Variants in KCNIP1 observed in about 807,000 individuals in gnomAD.
KCNIP1 encodes potassium voltage-gated channel interacting protein 1.
In KCNIP1, 18 loss-of-function variants were observed where a neutral mutation model predicts 33.0. The observed-to-expected ratio is 0.55, with a 90% CI of 0.38 to 0.81. The LOEUF (loss-of-function observed/expected upper bound fraction) is 0.81, where lower values mean the gene tolerates loss of function less well. Among genes scored for constraint, KCNIP1 ranks in the 30% least tolerant of loss-of-function variants. The probability of loss-of-function intolerance (pLI) is 0.00; values close to 1 mark genes in which losing one functional copy is unlikely to be tolerated. For synonymous variants in KCNIP1, 93 were observed against 98.3 expected, an observed-to-expected ratio of 0.95 and a Z score of 0.32; for missense variants, 238 against 271.6, an observed-to-expected ratio of 0.88 and a Z score of 0.87.
intron 1 of KCNIP1, among the ~76,000 whole-genome samples, chr5:170,617,879 C>G (rs574010322): frequency 2.0e-5 from 3 of 152,358 alleles, no homozygotes; most frequent in Admixed American, 1.3e-4. Flanking sequence ...CTATTGCACA[C>G]TTACTTTTCC....
chr5:170,401,285 G>A (rs960930343), intron 1 of KCNIP1, among the ~76,000 whole-genome samples: 1 of 152,186 alleles, frequency 6.6e-6, no homozygotes, highest in Non-Finnish European at 1.5e-5. Context: ...GAAAATGTAT[G>A]TCTGTAATCC....
intron 1 of KCNIP1, among the ~76,000 whole-genome samples, chr5:170,424,894 A>G (rs1755577974): frequency 6.6e-6 from 1 of 152,040 alleles, no homozygotes; most frequent in African/African-American, 2.4e-5. Flanking sequence ...CCACTCCTTT[A>G]TCTGGGCGTC....
intron 1 of KCNIP1, among the ~76,000 whole-genome samples, chr5:170,447,224 G>A (rs1756143443): frequency 6.9e-6 from 1 of 144,172 alleles, no homozygotes; most frequent in African/African-American, 2.6e-5. Flanking sequence ...ACCACAAAGG[G>A]GACTAAGGGG....
intron 1 of KCNIP1, among the ~76,000 whole-genome samples, chr5:170,450,327 A>G (rs533229395): frequency 6.6e-6 from 1 of 152,250 alleles, no homozygotes; most frequent in African/African-American, 2.4e-5. Context: ...CTGTGTCTGC[A>G]TACATTTTTT....
chr5:170,396,300 C>A (rs904973889), intron 1 of KCNIP1, among the ~76,000 whole-genome samples: 1 of 152,128 alleles, frequency 6.6e-6, no homozygotes, highest in Non-Finnish European at 1.5e-5. Context: ...CTGGGGAGAC[C>A]CTCAGGGAAG....
At chr5:170,358,924 C>T (rs1027559508) in intron 1 of KCNIP1, among the ~76,000 whole-genome samples, 1 of 152,206 alleles carries the variant, frequency 6.6e-6, no homozygotes, top group African/African-American at 2.4e-5. Flanking sequence ...CGCCTGCCTG[C>T]ACTACTCCCC....
At chr5:170,531,441 C>T (rs1755785087) in intron 1 of KCNIP1, among the ~76,000 whole-genome samples, 1 of 152,158 alleles carries the variant, frequency 6.6e-6, no homozygotes, top group African/African-American at 2.4e-5. Flanking sequence ...GACGCTTAAG[C>T]CTCCAGCAAA....
In KCNIP1 at chr5:170,733,904, G is replaced by A. The variant is rs913509439; in HGVS notation, c.603+6G>A. The A allele has an allele frequency of 3.7e-6, 6 of 1,611,754 alleles. No individual in the cohort carries two copies. The African/African-American group carries it at 5.3e-5, about 14-fold the overall frequency. ...TTCTTGAATCATGTCAGGAGGTAAG[G>A]AGAGATCTCAGGGCACAATAACTCT... On this transcript the variant is annotated splice_donor_region_variant and intron_variant, in intron 7 of 7. Transcript: ENST00000328939.
intron 1 of KCNIP1, among the ~76,000 whole-genome samples, chr5:170,471,456 T>C (rs1244519429): frequency 6.6e-6 from 1 of 152,284 alleles, no homozygotes; most frequent in South Asian, 2.1e-4. Flanking sequence ...TCCACTTCCC[T>C]TCAAGGGCGA....
chr5:170,371,088 G>T (rs1763830780), intron 1 of KCNIP1, among the ~76,000 whole-genome samples: 1 of 152,170 alleles, frequency 6.6e-6, no homozygotes, highest in African/African-American at 2.4e-5. Context: ...TTGCTGAGAA[G>T]GAGCTGTGCC....
At chr5:170,699,556 GAAAAAAAA>G (rs35103942) in intron 1 of KCNIP1, among the ~76,000 whole-genome samples, 2 of 111,962 alleles carry the variant, frequency 1.8e-5, no homozygotes, top group African/African-American at 3.2e-5. Flanking sequence ...ATTGCTCTGT[GAAAAAAAA>G]AAAAAAAAAA....
chr5:170,363,901 C>G (rs1458705103), intron 1 of KCNIP1, among the ~76,000 whole-genome samples: 1 of 152,002 alleles, frequency 6.6e-6, no homozygotes, highest in Non-Finnish European at 1.5e-5. Context: ...GCAGCCACCA[C>G]TGTACTTTCT....
At chr5:170,618,171 T>C (rs1280067663) in intron 1 of KCNIP1, among the ~76,000 whole-genome samples, 1 of 152,096 alleles carries the variant, frequency 6.6e-6, no homozygotes, top group African/African-American at 2.4e-5. Flanking sequence ...CATCCGGGCG[T>C]AATCACAGAC....
intron 1 of KCNIP1, among the ~76,000 whole-genome samples, chr5:170,545,666 A>T (rs1363412018): frequency 6.6e-6 from 1 of 151,994 alleles, no homozygotes; most frequent in Non-Finnish European, 1.5e-5. Flanking sequence ...AAACCCATAT[A>T]GTAAGTTTGT....
chr5:170,552,114 C>G (rs1442732578), intron 1 of KCNIP1, among the ~76,000 whole-genome samples: 2 of 148,840 alleles, frequency 1.3e-5, no homozygotes, highest in East Asian at 4.0e-4. Flanking sequence ...CTGCCTTTAC[C>G]CAGTCTTCAT....
chr5:170,512,287 G>A (rs140043680), intron 1 of KCNIP1, among the ~76,000 whole-genome samples: 71 of 152,276 alleles, frequency 4.7e-4, no homozygotes, highest in Non-Finnish European at 8.2e-4. Context: ...TTTTCACACG[G>A]TCCAGGTGGG....
chr5:170,401,611 A>G (rs1754906088), intron 1 of KCNIP1, among the ~76,000 whole-genome samples: 1 of 151,964 alleles, frequency 6.6e-6, no homozygotes, highest in South Asian at 2.1e-4. Context: ...AATTTCTTTT[A>G]ATGAGCCAGG....
At chr5:170,597,469 C>G (rs933587575) in intron 1 of KCNIP1, among the ~76,000 whole-genome samples, 1 of 152,092 alleles carries the variant, frequency 6.6e-6, no homozygotes, top group Admixed American at 6.5e-5. Flanking sequence ...CCAGCCAACC[C>G]ACCCACCCCC....
chr5:170,504,466 C>A lies in KCNIP1; in HGVS notation c.-107C>A. The A allele has an allele frequency of 1.3e-6, 2 of 1,566,088 alleles. No homozygotes were observed. Among genetic ancestry groups the A allele is most frequent in the South Asian group, 1.2e-5 (1 of 86,134 alleles). On this transcript the variant is annotated 5_prime_UTR_variant, in exon 1 of 8. Coordinates refer to ENST00000328939, the MANE Select transcript of KCNIP1 (RefSeq NM_014592.4). The surrounding 1 kb of genome is among the most constrained non-coding windows in gnomAD (Gnocchi z 6.0). Reference sequence around the variant, plus strand: ...ACCAAGCTGCAGGCGAGCTGCCGGGCGCTTTTCTCTCCTCCAATTCAGAGT... The same window carrying A: ...ACCAAGCTGCAGGCGAGCTGCCGGGAGCTTTTCTCTCCTCCAATTCAGAGT...
Sources: gnomAD v4.1 joint callset for allele counts (sites outside exome capture counted in the v4.1 genomes callset) on GRCh38, gnomAD v4.1.1 for gene constraint, Gnocchi (gnomAD v3.1) non-coding constraint, MANE v1.5 for transcripts, NCBI Gene and HGNC (gene_info 2026-07-23, HGNC 2026-07-21) for gene names.